Variants in ZNF407 observed in about 807,000 individuals in gnomAD.
ZNF407 encodes the protein zinc finger protein 407.
Under a neutral mutation model 131.2 loss-of-function variants are expected in ZNF407, and 17 were observed. That is an observed-to-expected ratio of 0.13 (90% confidence interval 0.09 to 0.19). The LOEUF (loss-of-function observed/expected upper bound fraction) is 0.19, where lower values mean the gene tolerates loss of function less well. Ranked by LOEUF, ZNF407 falls within the 10% of genes least tolerant of loss-of-function variation. The probability of loss-of-function intolerance (pLI) is 1.00; values close to 1 mark genes in which losing one functional copy is unlikely to be tolerated. For synonymous variants in ZNF407, 1,156 were observed against 1,062.0 expected, an observed-to-expected ratio of 1.09 and a Z score of -1.72; for missense variants, 2,681 against 2,830.6, an observed-to-expected ratio of 0.95 and a Z score of 1.20.
intron 8 of ZNF407, among the ~76,000 whole-genome samples, chr18:75,022,011 T>C (rs1568303477): frequency 6.6e-6 from 1 of 151,562 alleles, no homozygotes; most frequent in East Asian, 1.9e-4. Flanking sequence ...ACAAACTCAA[T>C]AAAAACAGGT....
intron 8 of ZNF407, among the ~76,000 whole-genome samples, chr18:75,055,223 A>G (rs1599314503): frequency 6.6e-6 from 1 of 152,164 alleles, no homozygotes; most frequent in Admixed American, 6.5e-5. Flanking sequence ...TCATGGGTAA[A>G]TGACTAGATC....
intron 3 of ZNF407, among the ~76,000 whole-genome samples, chr18:74,724,062 G>A (rs975187529): frequency 6.6e-6 from 1 of 151,970 alleles, no homozygotes; most frequent in African/African-American, 2.4e-5. Context: ...TTTATTGTGA[G>A]AAACTGGGAG....
intron 3 of ZNF407, among the ~76,000 whole-genome samples, chr18:74,681,162 G>A (rs753089473): frequency 1.2e-4 from 18 of 152,148 alleles, no homozygotes; most frequent in Middle Eastern, 3.4e-3. Context: ...CAAAGCCAGA[G>A]GAACCCCTAA....
intron 3 of ZNF407, among the ~76,000 whole-genome samples, chr18:74,734,726 A>G (rs1336560448): frequency 6.6e-6 from 1 of 151,434 alleles, no homozygotes; most frequent in African/African-American, 2.4e-5. Context: ...AGAGAATCAA[A>G]GATTCAAGGA....
At chr18:74,773,746 G>A (rs80105349) in intron 3 of ZNF407, among the ~76,000 whole-genome samples, 63 of 152,258 alleles carry the variant, frequency 4.1e-4, no homozygotes, top group Non-Finnish European at 7.9e-4. Context: ...TTTACCAAAC[G>A]TGGCCATTAC....
intron 4 of ZNF407, among the ~76,000 whole-genome samples, chr18:74,848,399 T>C (rs1970731919): frequency 1.3e-5 from 2 of 152,102 alleles, no homozygotes; most frequent in South Asian, 4.1e-4. Context: ...GAAAAGAAGG[T>C]ACAGGAAGTA....
chr18:74,840,884 C>G (rs898271163), intron 4 of ZNF407, among the ~76,000 whole-genome samples: 10 of 152,248 alleles, frequency 6.6e-5, no homozygotes, highest in African/African-American at 2.4e-4. Context: ...TCCCAACTAA[C>G]TCCGTCTTCC....
chr18:74,757,309 A>G (rs948398857), intron 3 of ZNF407, among the ~76,000 whole-genome samples: 7 of 151,864 alleles, frequency 4.6e-5, no homozygotes, highest in Admixed American at 6.6e-5. Context: ...CCCTGTGTCT[A>G]TTGCTTCAAC....
At chr18:74,803,244 A>G (rs1258424673) in intron 4 of ZNF407, among the ~76,000 whole-genome samples, 1 of 152,078 alleles carries the variant, frequency 6.6e-6, no homozygotes, top group East Asian at 1.9e-4. Flanking sequence ...GCTCTTGGGG[A>G]GATGGATTTG....
chr18:75,035,444 TGATGATTGAC>T (rs1973297147), intron 8 of ZNF407, among the ~76,000 whole-genome samples: 1 of 152,212 alleles, frequency 6.6e-6, no homozygotes, highest in East Asian at 1.9e-4. Flanking sequence ...GGTTTAGTGA[TGATGATTGAC>T]GTTCAGTATG....
intron 3 of ZNF407, among the ~76,000 whole-genome samples, chr18:74,732,915 T>G (rs1968327597): frequency 6.6e-6 from 1 of 152,150 alleles, no homozygotes; most frequent in Non-Finnish European, 1.5e-5. Context: ...ATAAAATAGG[T>G]TCAATGTTTA....
Position 74,781,515 on chromosome 18 carries a change from C to T in ZNF407, c.4877+13C>T, listed in dbSNP as rs201872470. 1.4e-3 allele frequency: 1,974 copies of T among 1,462,144 alleles called. 2 individuals are homozygous for T. In the Middle Eastern group the frequency reaches 0.016, roughly 12 times the overall value. The allele number at this position is 1,462,144 out of a possible 1,614,324, so 90.6% of individuals were successfully genotyped here. A position where few individuals can be genotyped will look rare whatever the true frequency, so the allele number is the denominator to read the frequency against. The stretch of plus-strand genomic sequence containing the variant: ...CCCCAAAAGAAAGGTAATTTTCATT[C>T]TTTTTTTTTCATTTAAAAATACAAT... On this transcript the variant is annotated intron_variant, in intron 4 of 8. Transcript: ENST00000299687.
At chr18:74,684,970 ATTAT>A (rs914973541) in intron 3 of ZNF407, among the ~76,000 whole-genome samples, 1 of 152,190 alleles carries the variant, frequency 6.6e-6, no homozygotes, top group African/African-American at 2.4e-5. Context: ...TCAACTTAAC[ATTAT>A]TTATTGTTTT....
intron 1 of ZNF407, among the ~76,000 whole-genome samples, chr18:74,605,531 G>A (rs575658915): frequency 1.4e-3 from 211 of 151,994 alleles, no homozygotes; most frequent in African/African-American, 4.3e-3. Flanking sequence ...AGCATAATAC[G>A]GAGTTTGAAA....
chr18:74,980,800 G>A (rs1268219507), intron 8 of ZNF407, among the ~76,000 whole-genome samples: 1 of 152,162 alleles, frequency 6.6e-6, no homozygotes. Flanking sequence ...ATGAAAGGAA[G>A]CCAGGAACCC....
chr18:74,843,458 C>T (rs1263982785), intron 4 of ZNF407, among the ~76,000 whole-genome samples: 4 of 152,040 alleles, frequency 2.6e-5, no homozygotes, highest in Non-Finnish European at 5.9e-5. Context: ...AAAAGTGTAC[C>T]TTATCCACAC....
At chr18:74,850,358 C>T (rs754615629) in intron 4 of ZNF407, among the ~76,000 whole-genome samples, 1 of 152,098 alleles carries the variant, frequency 6.6e-6, no homozygotes, top group Admixed American at 6.6e-5. Flanking sequence ...TGAGATGGGT[C>T]ACTTCTTCAG....
At chr18:74,856,402 A>C (rs570018970) in intron 4 of ZNF407, among the ~76,000 whole-genome samples, 6 of 152,326 alleles carry the variant, frequency 3.9e-5, no homozygotes, top group African/African-American at 1.4e-4. Flanking sequence ...ATTTATGACT[A>C]TAAATTTCTT....
intron 4 of ZNF407, among the ~76,000 whole-genome samples, chr18:74,809,847 T>C (rs1970169056): frequency 6.6e-6 from 1 of 152,190 alleles, no homozygotes. Context: ...GAGATGACTG[T>C]AGTTAGCACC....
Sources: allele counts gnomAD v4.1 joint callset (sites outside exome capture counted in the v4.1 genomes callset), GRCh38; gene constraint gnomAD v4.1.1; transcripts MANE v1.5; gene names NCBI Gene and HGNC (gene_info 2026-07-23, HGNC 2026-07-21).